Variants in ENPP6 observed in about 807,000 individuals in gnomAD.
ENPP6 encodes the protein glycerophosphocholine cholinephosphodiesterase ENPP6.
In ENPP6, 32 loss-of-function variants were observed where a neutral mutation model predicts 42.0. The ratio of observed to expected loss-of-function variants is 0.76; its 90% CI spans 0.58 to 1.02. The LOEUF (loss-of-function observed/expected upper bound fraction) is 1.02. ENPP6 is among the 50% of genes least tolerant of loss of function. The probability of loss-of-function intolerance (pLI) is 0.00; values close to 1 mark genes in which losing one functional copy is unlikely to be tolerated. For synonymous variants in ENPP6, 213 were observed against 216.0 expected, an observed-to-expected ratio of 0.99 and a Z score of 0.12; for missense variants, 552 against 566.8, an observed-to-expected ratio of 0.97 and a Z score of 0.27.
intron 5 of ENPP6, among the ~76,000 whole-genome samples, chr4:184,115,510 GC>G (rs1231667610): frequency 6.6e-6 from 1 of 152,210 alleles, no homozygotes; most frequent in Non-Finnish European, 1.5e-5. Context: ...GGGGAGCAGA[GC>G]TTTGTCCCCC....
chr4:184,150,867 A>C (rs4241790), intron 2 of ENPP6, among the ~76,000 whole-genome samples: 135,393 of 152,288 alleles, frequency 0.89, 60,418 homozygotes, highest in East Asian at 0.93. Context: ...AACACTGTAA[A>C]TGATCTTAAG....
chr4:184,216,963 A>G (rs2111129498), intron 1 of ENPP6: 1 of 152,260 alleles, frequency 6.6e-6, no homozygotes, highest in African/African-American at 2.4e-5. Flanking sequence ...CAAATGGGGA[A>G]CCTGAACGAC....
intron 1 of ENPP6, among the ~76,000 whole-genome samples, chr4:184,171,501 A>G (rs1269024559): frequency 6.6e-6 from 1 of 152,260 alleles, no homozygotes; most frequent in East Asian, 1.9e-4. Context: ...ACAATATAAG[A>G]AGAACAAGTA....
At chr4:184,197,790 T>A (rs755337643) in intron 1 of ENPP6, among the ~76,000 whole-genome samples, 1 of 152,168 alleles carries the variant, frequency 6.6e-6, no homozygotes, top group Non-Finnish European at 1.5e-5. Context: ...ACTATGAAAG[T>A]CACTCATAGA....
intron 1 of ENPP6, among the ~76,000 whole-genome samples, chr4:184,174,905 C>A (rs1386390417): frequency 6.6e-6 from 1 of 152,214 alleles, no homozygotes; most frequent in African/African-American, 2.4e-5. Flanking sequence ...CATCTGCTAA[C>A]CCTGCTTACT....
chr4:184,150,872 C>G (rs1737012365), intron 2 of ENPP6, among the ~76,000 whole-genome samples: 1 of 152,230 alleles, frequency 6.6e-6, no homozygotes, highest in Non-Finnish European at 1.5e-5. Context: ...TGTAAATGAT[C>G]TTAAGGCATT....
At chr4:184,206,595 C>T (rs10011933) in intron 1 of ENPP6, among the ~76,000 whole-genome samples, 81,883 of 151,786 alleles carry the variant, frequency 0.54, 22,387 homozygotes, top group East Asian at 0.8. Flanking sequence ...GATGTGGGCT[C>T]TCTCGAAACA....
rs149131117 is a variant in ENPP6, at chr4:184,149,684, A to C, written c.421+3870T>G. On this transcript the variant is annotated intron_variant, in intron 2 of 7. Transcript: ENST00000296741. ...AACATTGCAAAATGCATGGTGGGAG[A>C]TGTGAACTTAGAACTCCAAAGAGTT... 6.2e-3 allele frequency among the ~76,000 whole-genome samples: 940 copies of C among 152,288 alleles called. 13 individuals carry two copies. Among genetic ancestry groups the C allele is most frequent in the South Asian group, 0.061 (295 of 4,826 alleles).
Position 184,161,354 on chromosome 4 carries a change from C to T in ENPP6, c.242-7621G>A, listed in dbSNP as rs181696749. ...ACTACAATGCAATACCACCTTACTCCTGCAAGAATGGCTATAATCAAAAAA... is the reference window on the plus strand; with the variant it reads ...ACTACAATGCAATACCACCTTACTCTTGCAAGAATGGCTATAATCAAAAAA... On this transcript the variant is annotated intron_variant, in intron 1 of 7. Transcript: ENST00000296741. Among the ~76,000 whole-genome samples the T allele has an allele frequency of 3.3e-5, 5 of 152,322 alleles. No homozygotes were observed. In the East Asian group the frequency reaches 9.6e-4, roughly 29 times the overall value.
chr4:184,167,268 AC>A (rs1462840397), intron 1 of ENPP6, among the ~76,000 whole-genome samples: 1 of 152,004 alleles, frequency 6.6e-6, no homozygotes, highest in Non-Finnish European at 1.5e-5. Flanking sequence ...GGCATCCACC[AC>A]CATGCCCGGC....
chr4:184,173,686 C>T (rs1453802197), intron 1 of ENPP6, among the ~76,000 whole-genome samples: 1 of 152,200 alleles, frequency 6.6e-6, no homozygotes, highest in South Asian at 2.1e-4. Context: ...TTTCAAATTA[C>T]AGAGTCCAAG....
At chr4:184,191,660 A>G (rs960003515) in intron 1 of ENPP6, among the ~76,000 whole-genome samples, 3 of 152,222 alleles carry the variant, frequency 2.0e-5, no homozygotes, top group Admixed American at 6.5e-5. Context: ...ATGCCTGTAC[A>G]TAACTCCTAA....
At chr4:184,172,116 G>A (rs771830532) in intron 1 of ENPP6, among the ~76,000 whole-genome samples, 5 of 152,162 alleles carry the variant, frequency 3.3e-5, no homozygotes, top group Non-Finnish European at 7.4e-5. Context: ...AGCATCCAGG[G>A]CGAGAGGGTG....
intron 1 of ENPP6, among the ~76,000 whole-genome samples, chr4:184,156,967 C>T (rs1047865557): frequency 1.3e-5 from 2 of 152,236 alleles, no homozygotes; most frequent in East Asian, 1.9e-4. Context: ...AACTCATGGT[C>T]ACAGAGACTT....
intron 6 of ENPP6, among the ~76,000 whole-genome samples, chr4:184,110,741 G>A (rs1736183982): frequency 6.6e-6 from 1 of 152,170 alleles, no homozygotes; most frequent in Admixed American, 6.5e-5. Context: ...TTGAGTTGCT[G>A]GATTCAGCAA....
intron 1 of ENPP6, among the ~76,000 whole-genome samples, chr4:184,206,262 T>C (rs1478518804): frequency 1.4e-5 from 2 of 141,462 alleles, no homozygotes; most frequent in Non-Finnish European, 1.5e-5. Context: ...TTTTTTTTTT[T>C]TTTTTTTTTT....
At chr4:184,113,899 T>TTTTCTTTCTTTCTTTTCTTTTCTTTC (rs1736257348) in intron 5 of ENPP6, among the ~76,000 whole-genome samples, 2 of 103,626 alleles carry the variant, frequency 1.9e-5, no homozygotes, top group African/African-American at 7.6e-5. Flanking sequence ...CCTTTCTTTC[T>TTTTCTTTCTTTCTTTTCTTTTCTTTC]TTTCTTTCTT....
intron 2 of ENPP6, among the ~76,000 whole-genome samples, chr4:184,136,950 C>G (rs1736738931): frequency 6.6e-6 from 1 of 152,214 alleles, no homozygotes; most frequent in Non-Finnish European, 1.5e-5. Context: ...TCCCGCATGT[C>G]TCTTACATTC....
At chr4:184,122,392 A>T (rs541734040) in intron 3 of ENPP6, among the ~76,000 whole-genome samples, 73 of 142,162 alleles carry the variant, frequency 5.1e-4, no homozygotes, top group African/African-American at 1.8e-3. Context: ...CCTATGGTAG[A>T]CACACACTCA....
Sources: gnomAD v4.1 joint callset for allele counts (sites outside exome capture counted in the v4.1 genomes callset) on GRCh38, gnomAD v4.1.1 for gene constraint, MANE v1.5 for transcripts, NCBI Gene and HGNC (gene_info 2026-07-23, HGNC 2026-07-21) for gene names.